Variants in LIPI observed in about 807,000 individuals in gnomAD.
LIPI encodes lipase I.
LIPI carries 59 observed loss-of-function variants against 50.6 expected under a neutral mutation model. That is an observed-to-expected ratio of 1.16 (90% CI 0.94 to 1.45). The LOEUF is 1.45. LIPI is among the 40% of genes most tolerant of loss of function. The probability of loss-of-function intolerance (pLI) is 0.00; values close to 1 mark genes in which losing one functional copy is unlikely to be tolerated. For missense variants in LIPI, 586 were observed against 536.3 expected (o/e 1.09, Z -0.92); for synonymous variants, 203 against 178.2 (o/e 1.14, Z -1.11).
chr21:14,181,972 A>T, intron 3 of LIPI, 113 bp from the exon 4 acceptor site: 1 of 694,868 alleles, frequency 1.4e-6, no homozygotes, highest in Non-Finnish European at 2.6e-6. Flanking sequence ...CTTTTAGTTT[A>T]AACCTATCCA....
chr21:14,173,771 G>A (rs1314043452), intron 4 of LIPI, among the ~76,000 whole-genome samples: 2 of 151,882 alleles, frequency 1.3e-5, no homozygotes, highest in African/African-American at 4.8e-5. Context: ...ACTGAGGCTG[G>A]AGGGAGGGGA....
chr21:14,172,731 G>T (rs1397232692), intron 4 of LIPI, among the ~76,000 whole-genome samples: 1 of 152,012 alleles, frequency 6.6e-6, no homozygotes. Context: ...TGGGGGAAGG[G>T]GGGAGGGATA....
intron 4 of LIPI, among the ~76,000 whole-genome samples, chr21:14,174,492 T>C (rs551141079): frequency 2.6e-5 from 4 of 151,886 alleles, no homozygotes; most frequent in Non-Finnish European, 4.4e-5. Context: ...TGTCTCTCTG[T>C]CCCCTAATCG....
At chr21:14,166,551 T>A in intron 4 of LIPI, 100 bp from the exon 5 acceptor site, 1 of 725,868 alleles carries the variant, frequency 1.4e-6, no homozygotes, top group Non-Finnish European at 2.5e-6. Context: ...AGTTACTCTT[T>A]AAATATTAGA....
chr21:14,152,068 TTATTTTATTTA>T (rs1216116000), intron 8 of LIPI, among the ~76,000 whole-genome samples: 52 of 145,040 alleles, frequency 3.6e-4, no homozygotes, highest in Middle Eastern at 6.9e-3. Flanking sequence ...ACTCTTTAAC[TTATTTTATTTA>T]TTTATTTATT....
chr21:14,186,002 A>C lies in LIPI; in HGVS notation c.500T>G (p.Phe167Cys), dbSNP rs776983638. ...TTGACCATGAAATATCTTTCCAACA[A>C]ATCCACTGATATGAGCCCCTAAGCT... ...GVSLGAHISG[F>C]VGKIFHGQLG... The change falls in exon 3 of 10, where the codon TTT becomes TGT. Residue 167 changes from phenylalanine to cysteine, a missense_variant. Transcript: ENST00000681601. 1.1e-5 allele frequency: 17 copies of C among 1,602,860 alleles called. No individual in the cohort carries two copies. The South Asian group carries it at 1.9e-4, about 18-fold the overall frequency.
chr21:14,140,943 C>T (rs1223841596), intron 9 of LIPI, among the ~76,000 whole-genome samples: 2 of 152,134 alleles, frequency 1.3e-5, no homozygotes, highest in African/African-American at 2.4e-5. Context: ...TCATGTTAAT[C>T]TTGTAGGTGC....
At chr21:14,119,314 A>G (rs1220591581) in intron 9 of LIPI, among the ~76,000 whole-genome samples, 2 of 152,194 alleles carry the variant, frequency 1.3e-5, no homozygotes, top group African/African-American at 2.4e-5. Context: ...TATGCAAGGA[A>G]CAGAGAGTCT....
intron 1 of LIPI, among the ~76,000 whole-genome samples, chr21:14,198,095 T>C (rs1189053709): frequency 6.6e-6 from 1 of 152,102 alleles, no homozygotes; most frequent in Non-Finnish European, 1.5e-5. Flanking sequence ...CCACCAGACC[T>C]GCCTTACAAG....
chr21:14,169,519 G>T (rs887927853), intron 4 of LIPI, among the ~76,000 whole-genome samples: 58 of 152,180 alleles, frequency 3.8e-4, no homozygotes, highest in Non-Finnish European at 7.6e-4. Flanking sequence ...CTGTCTCTCA[G>T]ACCACAGTGC....
intron 3 of LIPI, among the ~76,000 whole-genome samples, chr21:14,183,707 C>CA (rs1273604390): frequency 6.6e-6 from 1 of 151,972 alleles, no homozygotes; most frequent in Non-Finnish European, 1.5e-5. Flanking sequence ...CCTATGCAGC[C>CA]AAAAAACACA....
At chr21:14,162,849 A>T (rs945383719) in intron 7 of LIPI, among the ~76,000 whole-genome samples, 26 of 151,994 alleles carry the variant, frequency 1.7e-4, no homozygotes, top group African/African-American at 6.3e-4. Context: ...TTCTTCACAT[A>T]AAAAGGACTC....
At chr21:14,207,805 C>T (rs1018569542) in intron 1 of LIPI, among the ~76,000 whole-genome samples, 1 of 152,106 alleles carries the variant, frequency 6.6e-6, no homozygotes, top group Non-Finnish European at 1.5e-5. Context: ...GAAAAAAACA[C>T]AGTGGATTAT....
intron 7 of LIPI, 129 bp downstream of exon 7, chr21:14,163,290 C>G: frequency 1.7e-6 from 1 of 604,428 alleles, no homozygotes; most frequent in Non-Finnish European, 3.0e-6. Context: ...CTGGCTATAG[C>G]AAATTTTAAA....
intron 9 of LIPI, among the ~76,000 whole-genome samples, chr21:14,112,864 A>T (rs1600820201): frequency 6.6e-6 from 1 of 152,298 alleles, no homozygotes; most frequent in East Asian, 1.9e-4. Flanking sequence ...AATGTAACTT[A>T]TTCCTAATAT....
intron 7 of LIPI, 109 bp from the exon 8 acceptor site, chr21:14,152,793 G>T: frequency 1.7e-6 from 1 of 590,664 alleles, no homozygotes; most frequent in South Asian, 2.3e-5. Flanking sequence ...TGTAATCTAG[G>T]CTCATATTAC....
In LIPI at chr21:14,192,698, A is replaced by G. The variant is rs931625049; in HGVS notation, c.47-3279T>C. Among the ~76,000 whole-genome samples, 3 of 152,348 alleles carry G rather than the reference A, an allele frequency of 2.0e-5. No individual in the cohort carries two copies. In the East Asian group the frequency reaches 5.8e-4, roughly 29 times the overall value. On this transcript the variant is annotated intron_variant, in intron 1 of 9. Transcript: ENST00000681601. ...TTGCAGGGCAGAAGGCAATGGAAAG[A>G]TATATTTTAAATGTTGAAAGAAAAA...
chr21:14,171,234 G>C (rs1035798062), intron 4 of LIPI, among the ~76,000 whole-genome samples: 2 of 149,908 alleles, frequency 1.3e-5, no homozygotes, highest in Admixed American at 1.3e-4. Flanking sequence ...ACAAATGGAA[G>C]AACATTCCAT....
chr21:14,151,995 T>C (rs2018107417), intron 8 of LIPI, among the ~76,000 whole-genome samples: 1 of 151,896 alleles, frequency 6.6e-6, no homozygotes. Flanking sequence ...TAGAAGGCAA[T>C]ATGGTTAGGA....
Sources: gnomAD v4.1 joint callset for allele counts (sites outside exome capture counted in the v4.1 genomes callset) on GRCh38, gnomAD v4.1.1 for gene constraint, MANE v1.5 for transcripts, NCBI Gene and HGNC (gene_info 2026-07-23, HGNC 2026-07-21) for gene names.